The following ABCC1 variants were observed in gnomAD, a reference collection of about 807,000 sequenced individuals.
The protein encoded by ABCC1 is multidrug resistance-associated protein 1.
Under a neutral mutation model 172.9 loss-of-function variants are expected in ABCC1, and 83 were observed. The ratio of observed to expected loss-of-function variants is 0.48; its 90% CI spans 0.40 to 0.58. The LOEUF (loss-of-function observed/expected upper bound fraction) is 0.58. ABCC1 is among the 20% of genes least tolerant of loss of function. The pLI, the probability that ABCC1 is intolerant of heterozygous loss-of-function variation, is 0.00. For synonymous variants in ABCC1, 937 were observed against 825.2 expected (o/e 1.14, Z -2.32); for missense variants, 1,817 against 2,002.7 (o/e 0.91, Z 1.77).
In ABCC1 at chr16:16,138,538, C is replaced by T. The variant is rs1170293051; in HGVS notation, c.4467C>T (p.Asn1489=). The T allele has an allele frequency of 6.2e-7, 1 of 1,600,362 alleles. No homozygotes were observed. Among genetic ancestry groups the T allele is most frequent in the East Asian group, 2.2e-5 (1 of 44,460 alleles). ...TCCTCACCATCGCCCACCGGCTCAA[C>T]ACCATCATGGACTACACAAGGTGAT... ...CTVLTIAHRL[N]TIMDYTRVIV... Residue 1489 remains asparagine, a synonymous_variant, in exon 30 of 31, where the codon AAC becomes AAT. Transcript: ENST00000399410.
At chr16:16,057,342 C>T (rs988749172) in intron 12 of ABCC1, among the ~76,000 whole-genome samples, 2 of 148,724 alleles carry the variant, frequency 1.3e-5, no homozygotes, top group East Asian at 3.9e-4. Context: ...CTGGGCAACA[C>T]AGCAAGACCC....
intron 14 of ABCC1, chr16:16,076,024 T>C (rs1596466136): frequency 5.4e-6 from 2 of 367,122 alleles, no homozygotes; most frequent in South Asian, 4.6e-5. Flanking sequence ...ATTGAGTAAT[T>C]CTCATGCGGC....
chr16:16,068,087 T>C, intron 12 of ABCC1, 69 bp from the exon 13 acceptor site: 1 of 1,592,650 alleles, frequency 6.3e-7, no homozygotes, highest in Non-Finnish European at 8.6e-7. Flanking sequence ...CTCCAGGGCC[T>C]GTCACTGCTC....
chr16:16,027,579 G>A (rs558403284), intron 5 of ABCC1, among the ~76,000 whole-genome samples: 4 of 152,276 alleles, frequency 2.6e-5, no homozygotes, highest in Admixed American at 6.5e-5. Context: ...TTGGGAGGCC[G>A]AGGCAGGTGG....
intron 21 of ABCC1, among the ~76,000 whole-genome samples, chr16:16,110,203 C>A (rs140852360): frequency 2.6e-5 from 4 of 151,728 alleles, no homozygotes; most frequent in Non-Finnish European, 5.9e-5. Context: ...TGGCTTCAAG[C>A]GACCCTTGTG....
intron 1 of ABCC1, among the ~76,000 whole-genome samples, chr16:15,969,141 T>C (rs1263220797): frequency 6.6e-6 from 1 of 151,694 alleles, no homozygotes; most frequent in African/African-American, 2.4e-5. Flanking sequence ...GAGGAGGAGG[T>C]TGTAGAGAGC....
chr16:16,004,024 GTGGA>G (rs138260161), intron 1 of ABCC1, among the ~76,000 whole-genome samples: 2 of 42,356 alleles, frequency 4.7e-5, no homozygotes, highest in African/African-American at 1.1e-4. Flanking sequence ...GGATGAATTG[GTGGA>G]TGGATGGATG....
In ABCC1 at chr16:16,115,018, C is replaced by A; in HGVS notation, c.3332C>A (p.Ala1111Asp). 1.9e-6 allele frequency: 3 copies of A among 1,614,202 alleles called. No individual in the cohort carries two copies. Among genetic ancestry groups the A allele is most frequent in the Non-Finnish European group, 2.5e-6 (3 of 1,180,032 alleles). ...VIGACIVILL[A>D]TPIAAIIIPP... ...GGTGCCTGCATCGTTATCCTGCTGG[C>A]CACGCCCATCGCCGCCATCATCATC... Residue 1111 changes from alanine to aspartate, a missense_variant, in exon 23 of 31, where the codon GCC becomes GAC. Around this residue, in one of 3 missense-constraint regions of ABCC1, gnomAD observed 1,412 missense variants for 1,600.3 expected, o/e 0.88. Transcript: ENST00000399410.
intron 18 of ABCC1, among the ~76,000 whole-genome samples, chr16:16,089,151 G>A (rs903814926): frequency 1.3e-5 from 2 of 152,178 alleles, no homozygotes; most frequent in Non-Finnish European, 2.9e-5. Context: ...ATAGTTTGAT[G>A]AATGTCTTCC....
At chr16:16,022,597 C>G (rs566639158) in intron 5 of ABCC1, among the ~76,000 whole-genome samples, 1 of 152,136 alleles carries the variant, frequency 6.6e-6, no homozygotes, top group African/African-American at 2.4e-5. Context: ...CCCAGACCTA[C>G]CAAGTCAAAC....
Position 15,954,006 on chromosome 16 carries a change from CTT to C in ABCC1, c.48+4225_48+4226del, listed in dbSNP as rs57768825. 3.2e-3 allele frequency among the ~76,000 whole-genome samples: 378 copies of C among 116,914 alleles called. 1 individual carries two copies. Among genetic ancestry groups the C allele is most frequent in the African/African-American group, 0.012 (336 of 28,400 alleles). 76.7% of individuals were successfully genotyped at this position (116,914 alleles called of 152,430 possible). A position where few individuals can be genotyped will look rare whatever the true frequency, so the allele number is the denominator to read the frequency against. On this transcript the variant is annotated intron_variant, in intron 1 of 30. Coordinates refer to ENST00000399410, the MANE Select transcript of ABCC1 (RefSeq NM_004996.4). ...CTTCCTCTGTTTTCCCCTCCCCACC[CTT>C]TTTTTTTTTTTTTTTTTGAGATGGT...
At chr16:15,979,282 T>G (rs962469989) in intron 1 of ABCC1, among the ~76,000 whole-genome samples, 1 of 151,838 alleles carries the variant, frequency 6.6e-6, no homozygotes, top group African/African-American at 2.4e-5. Flanking sequence ...AGAGCAAGAC[T>G]CTGTCTCAAA....
intron 1 of ABCC1, among the ~76,000 whole-genome samples, chr16:15,987,533 C>T (rs547071123): frequency 4.6e-5 from 7 of 152,172 alleles, no homozygotes; most frequent in Non-Finnish European, 1.0e-4. Flanking sequence ...TAAGCAGTAT[C>T]CCTGGCCTCT....
intron 19 of ABCC1, among the ~76,000 whole-genome samples, chr16:16,099,803 G>T (rs1032192835): frequency 1.3e-5 from 2 of 152,296 alleles, no homozygotes; most frequent in South Asian, 2.1e-4. Flanking sequence ...CCAACAGGGG[G>T]CCAGGCACAG....
intron 1 of ABCC1, among the ~76,000 whole-genome samples, chr16:15,954,980 G>A (rs1198526040): frequency 1.3e-5 from 2 of 152,104 alleles, no homozygotes; most frequent in Middle Eastern, 3.4e-3. Flanking sequence ...CGTGTTGCCC[G>A]TTGCCTCAAA....
chr16:16,069,197 TAAATAAATAAATAA>T (rs1567369084), intron 13 of ABCC1, among the ~76,000 whole-genome samples: 14 of 145,004 alleles, frequency 9.7e-5, no homozygotes, highest in East Asian at 4.1e-4. Context: ...AATAAATAAA[TAAATAAATAAATAA>T]ATATGTTTGA....
chr16:15,972,908 C>T (rs1300276192), intron 1 of ABCC1, among the ~76,000 whole-genome samples: 1 of 149,020 alleles, frequency 6.7e-6, no homozygotes, highest in South Asian at 2.1e-4. Flanking sequence ...AAGCTATCCT[C>T]CCACCTTAGC....
At chr16:16,079,809 T>C (rs191284653) in intron 16 of ABCC1, among the ~76,000 whole-genome samples, 2 of 151,446 alleles carry the variant, frequency 1.3e-5, no homozygotes, top group East Asian at 3.9e-4. Context: ...TTATTATCAT[T>C]ATTATTGTGT....
intron 1 of ABCC1, among the ~76,000 whole-genome samples, chr16:15,982,357 A>T (rs1481034874): frequency 6.6e-6 from 1 of 152,054 alleles, no homozygotes. Context: ...AGGGCTGGGG[A>T]GGCCTCAGGA....
Sources: allele counts gnomAD v4.1 joint callset (sites outside exome capture counted in the v4.1 genomes callset), GRCh38; gene constraint gnomAD v4.1.1; regional missense constraint gnomAD v4.1.1; transcripts MANE v1.5; gene names NCBI Gene and HGNC (gene_info 2026-07-23, HGNC 2026-07-21).